Variants in TMPRSS5 observed in about 807,000 individuals in gnomAD.
TMPRSS5 encodes transmembrane protease serine 5.
Under a neutral mutation model 59.7 loss-of-function variants are expected in TMPRSS5, and 45 were observed. The observed-to-expected ratio is 0.75, with a 90% confidence interval of 0.59 to 0.97. The LOEUF (loss-of-function observed/expected upper bound fraction) is 0.97, where lower values mean the gene tolerates loss of function less well. Among genes scored for constraint, TMPRSS5 ranks in the 50% least tolerant of loss-of-function variants. The probability of loss-of-function intolerance (pLI) is 0.00; values close to 1 mark genes in which losing one functional copy is unlikely to be tolerated. For synonymous variants in TMPRSS5, 225 were observed against 232.0 expected (o/e 0.97, Z 0.27); for missense variants, 585 against 596.7 (o/e 0.98, Z 0.20).
rs1046736648 is a variant in TMPRSS5, at chr11:113,689,971, T to C, written c.1207-54A>G. The C allele has an allele frequency of 1.1e-5, 17 of 1,480,820 alleles. No individual in the cohort carries two copies. In the African/African-American group the frequency reaches 2.4e-4, roughly 21 times the overall value. 91.7% of individuals were successfully genotyped at this position (1,480,820 alleles called of 1,614,324 possible). The stretch of plus-strand genomic sequence containing the variant: ...GAAACAGCCAGTTAGTTCTTCCTGA[T>C]GGAGAGCACCAGACCACTATGGCAA... On this transcript the variant is annotated intron_variant, in intron 11 of 12. Coordinates refer to ENST00000299882, the MANE Select transcript of TMPRSS5 (RefSeq NM_030770.4).
In TMPRSS5 at chr11:113,693,220, C is replaced by A; in HGVS notation, c.815G>T (p.Arg272Leu). ...GTGGCTGACCAGCCCCGCATGAACC[C>A]GCCAGCTGGACAGGCGGGCCAGCCT... is the stretch of plus-strand genomic sequence containing the variant. The part of the protein sequence containing the change: ...SFRLARLSSW[R>L]VHAGLVSHSA... Residue 272 changes from arginine to leucine, a missense_variant, in exon 9 of 13, where the codon CGG becomes CTG. Transcript: ENST00000299882. 2 of 1,582,954 alleles carry A rather than the reference C, an allele frequency of 1.3e-6. No individual in the cohort carries two copies. Among genetic ancestry groups the A allele is most frequent in the Admixed American group, 1.8e-5 (1 of 57,134 alleles).
chr11:113,693,583 T>G, intron 8 of TMPRSS5: 1 of 192,384 alleles, frequency 5.2e-6, no homozygotes, highest in Non-Finnish European at 1.1e-5. Flanking sequence ...AAACTTCCCC[T>G]GGTCCCATCT....
chr11:113,702,032 T>TA (rs1953152630), intron 1 of TMPRSS5, among the ~76,000 whole-genome samples: 1 of 152,156 alleles, frequency 6.6e-6, no homozygotes, highest in African/African-American at 2.4e-5. Flanking sequence ...CAACTCCCAT[T>TA]ATGAGTGAGA....
At chr11:113,690,783 T>C (rs1164622115) in intron 10 of TMPRSS5, 58 bp downstream of exon 10, 4 of 1,473,132 alleles carry the variant, frequency 2.7e-6, no homozygotes, top group Non-Finnish European at 2.8e-6. Context: ...TGCCTCACCC[T>C]GGGGAAGAAT....
At chr11:113,699,272 C>CTCCCCCCCCCTCTCTCTCTCCCT (rs1953044616) in intron 3 of TMPRSS5, among the ~76,000 whole-genome samples, 2 of 24,058 alleles carry the variant, frequency 8.3e-5, no homozygotes, top group African/African-American at 2.0e-4. Flanking sequence ...TCTCTCTCTC[C>CTCCCCCCCCCTCTCTCTCTCCCT]CTCTCTCTCT....
intron 8 of TMPRSS5, 124 bp from the exon 9 acceptor site, chr11:113,693,373 G>T: frequency 9.3e-7 from 1 of 1,077,562 alleles, no homozygotes; most frequent in South Asian, 1.7e-5. Flanking sequence ...CAGGCGGTGA[G>T]CTCCCAGGCC....
rs1426399864 is a variant in TMPRSS5, at chr11:113,697,362, G to A, written c.385C>T (p.Pro129Ser). The change falls in exon 5 of 13, where the codon CCA becomes TCA. Residue 129 changes from proline (P) to serine (S), a missense_variant. By Grantham distance (74) the Pro-to-Ser change is moderately conservative. Transcript: ENST00000299882. ...FLLEAQVRDQ[P>S]RWLLVCHEGW... ...TCATGGCAGACCAGGAGCCAGCGTG[G>A]CTGATCCCTCACTTGCGCTTCCAGC... The A allele has an allele frequency of 1.2e-6, 2 of 1,613,834 alleles. No individual in the cohort carries two copies. The highest frequency in any genetic ancestry group is 4.5e-5 in the East Asian group (2 of 44,876).
chr11:113,698,610 T>C (rs959882396), intron 4 of TMPRSS5, among the ~76,000 whole-genome samples: 2 of 152,064 alleles, frequency 1.3e-5, no homozygotes, highest in Non-Finnish European at 2.9e-5. Flanking sequence ...ACCTGATCCC[T>C]CCTCCCCCAT....
chr11:113,694,912 A>G (rs1037036706), intron 7 of TMPRSS5, among the ~76,000 whole-genome samples: 2 of 152,140 alleles, frequency 1.3e-5, no homozygotes, highest in Non-Finnish European at 2.9e-5. Flanking sequence ...TCCTGTAGTA[A>G]AGGTCGAAGT....
chr11:113,689,762 C>T lies in TMPRSS5; in HGVS notation c.1359+3G>A. ...CCTGCCCTACTCCTGCCCCCACACT[C>T]ACCTGAGCAGTGTCATGGATCCAGT... On this transcript the variant is annotated splice_donor_region_variant and intron_variant, in intron 12 of 12. Transcript: ENST00000299882. 6.2e-7 allele frequency: 1 copy of T among 1,609,418 alleles called. No homozygotes were observed. The highest frequency in any genetic ancestry group is 8.5e-7 in the Non-Finnish European group (1 of 1,178,124).
intron 6 of TMPRSS5, among the ~76,000 whole-genome samples, chr11:113,696,072 G>A (rs1324719977): frequency 6.6e-6 from 1 of 152,070 alleles, no homozygotes; most frequent in East Asian, 1.9e-4. Flanking sequence ...CTCTCCTGGA[G>A]GAGTCAGCCC....
At chr11:113,688,376 A>G in intron 12 of TMPRSS5, 102 bp from the exon 13 acceptor site, 1 of 792,222 alleles carries the variant, frequency 1.3e-6, no homozygotes, top group Non-Finnish European at 2.1e-6. Flanking sequence ...CTTGATTTTC[A>G]CTTCTATCAA....
At chr11:113,695,485 C>G (rs4936279) in intron 6 of TMPRSS5, 42 bp from the exon 7 acceptor site, 1 of 1,608,166 alleles carries the variant, frequency 6.2e-7, no homozygotes, top group African/African-American at 1.3e-5. Context: ...GCAGGGGCCG[C>G]CCTGCAGCCA....
chr11:113,695,490 C>A (rs1476537453), intron 6 of TMPRSS5, 47 bp from the exon 7 acceptor site: 1 of 1,594,882 alleles, frequency 6.3e-7, no homozygotes, highest in South Asian at 1.1e-5. Context: ...GGCCGCCCTG[C>A]AGCCACACAC....
In TMPRSS5 at chr11:113,694,578, A is replaced by G; in HGVS notation, c.685T>C (p.Trp229Arg). 6.4e-7 allele frequency: 1 copy of G among 1,556,196 alleles called. No individual in the cohort carries two copies. Among genetic ancestry groups the G allele is most frequent in the Non-Finnish European group, 8.7e-7 (1 of 1,150,044 alleles). ...VGGQSVAPGRWPWQASVALGF... is the reference protein window; with the variant it reads ...VGGQSVAPGRRPWQASVALGF... ...AGGGCCACGCTGGCCTGCCACGGCC[A>G]GCGCCCAGGAGCCACAGACTGCCCA... Residue 229 changes from tryptophan (W) to arginine (R), a missense_variant, in exon 8 of 13, where the codon TGG becomes CGG. Physicochemically the swap from Trp to Arg is moderately radical, Grantham distance 101 (BLOSUM62 -3). Coordinates refer to ENST00000299882, the MANE Select transcript of TMPRSS5 (RefSeq NM_030770.4).
rs772249235 is a variant in TMPRSS5 at position 113,696,910 on chromosome 11, C to A, written c.526G>T (p.Ala176Ser). The change falls in exon 6 of 13, where the codon GCT (alanine) becomes TCT (serine). Residue 176 changes from alanine to serine, a missense_variant. Physicochemically the swap from Ala to Ser is moderately conservative, Grantham distance 99. Transcript: ENST00000299882. ...DIKLNSSQEFAQLSPRLGGFL... is the reference protein window; with the variant it reads ...DIKLNSSQEFSQLSPRLGGFL... The stretch of plus-strand genomic sequence containing the variant: ...CCTCCCAGTCTAGGAGAGAGCTGAG[C>A]AAACTCCTGGGAACTGTTGAGTTTG... 1.3e-6 allele frequency: 2 copies of A among 1,579,864 alleles called. No homozygotes were observed. The highest frequency in any genetic ancestry group is 2.3e-5 in the East Asian group (1 of 43,372).
intron 7 of TMPRSS5, 122 bp downstream of exon 7, chr11:113,695,278 A>G (rs1488577083): frequency 3.0e-6 from 3 of 999,550 alleles, no homozygotes; most frequent in Non-Finnish European, 4.6e-6. Flanking sequence ...GCAGATGGGC[A>G]GGTGGGCAAG....
At chr11:113,701,678 C>A (rs558958057) in intron 1 of TMPRSS5, among the ~76,000 whole-genome samples, 34 of 152,288 alleles carry the variant, frequency 2.2e-4, no homozygotes, top group Middle Eastern at 3.4e-3. Context: ...TCCTCCCCAA[C>A]TCACAGCCCT....
At chr11:113,690,468 GGA>G in intron 10 of TMPRSS5, 95 bp from the exon 11 acceptor site, 2 of 1,498,414 alleles carry the variant, frequency 1.3e-6, no homozygotes, top group Non-Finnish European at 1.8e-6. Context: ...CCAGAGACAG[GGA>G]GACCCAAAGA....
Sources: allele counts gnomAD v4.1 joint callset (sites outside exome capture counted in the v4.1 genomes callset), GRCh38; gene constraint gnomAD v4.1.1; transcripts MANE v1.5; gene names NCBI Gene and HGNC (gene_info 2026-07-23, HGNC 2026-07-21).